SRFBP1: variants seen among roughly 807,000 people sequenced by gnomAD.
SRFBP1 encodes serum response factor-binding protein 1.
SRFBP1 carries 47 observed loss-of-function variants against 45.5 expected under a neutral mutation model. The ratio of observed to expected loss-of-function variants is 1.03; its 90% CI spans 0.82 to 1.32. The LOEUF (loss-of-function observed/expected upper bound fraction) is 1.32, where lower values mean the gene tolerates loss of function less well. Among genes scored for constraint, SRFBP1 ranks in the 40% most tolerant of loss-of-function variants. The pLI, the probability that SRFBP1 is intolerant of heterozygous loss-of-function variation, is 0.00. For missense variants in SRFBP1, 621 were observed against 484.6 expected (o/e 1.28, Z -2.64); for synonymous variants, 203 against 166.3 (o/e 1.22, Z -1.70).
At chr5:122,026,150 A>C (rs536564184) in intron 7 of SRFBP1, among the ~76,000 whole-genome samples, 2 of 152,352 alleles carry the variant, frequency 1.3e-5, no homozygotes, top group East Asian at 3.9e-4. Flanking sequence ...ACATAGTCAT[A>C]GGACTGATTA....
Position 121,970,531 on chromosome 5 carries a change from G to T in SRFBP1, c.37-3665G>T, listed in dbSNP as rs186646408. ...CACTGTATAATTCTGTTTATGCAACGTGGCCGTTCTTTTTTTTTTTCCTTA... is the reference window on the plus strand; with the variant it reads ...CACTGTATAATTCTGTTTATGCAACTTGGCCGTTCTTTTTTTTTTTCCTTA... On this transcript the variant is annotated intron_variant, in intron 1 of 7. Coordinates refer to ENST00000339397, the MANE Select transcript of SRFBP1 (RefSeq NM_152546.3). Among the ~76,000 whole-genome samples, 6 of 151,192 alleles carry T rather than the reference G, an allele frequency of 4.0e-5. No homozygotes were observed. The East Asian group carries it at 1.2e-3, about 29-fold the overall frequency.
At chr5:121,985,297 G>T (rs1752488455) in intron 3 of SRFBP1, among the ~76,000 whole-genome samples, 1 of 151,326 alleles carries the variant, frequency 6.6e-6, no homozygotes, top group Middle Eastern at 3.4e-3. Context: ...ACTTTAATTT[G>T]TATTGCTTCA....
intron 2 of SRFBP1, among the ~76,000 whole-genome samples, chr5:122,043,015 C>A (rs1419622644): frequency 1.3e-5 from 2 of 151,866 alleles, no homozygotes; most frequent in African/African-American, 2.4e-5. Context: ...GTAGATTTAC[C>A]CACGTTTACC....
At chr5:122,069,425 T>G (rs924403857) in intron 2 of SRFBP1, among the ~76,000 whole-genome samples, 1 of 152,124 alleles carries the variant, frequency 6.6e-6, no homozygotes, top group Non-Finnish European at 1.5e-5. Flanking sequence ...CTACCCAACC[T>G]TTTTTCATTA....
chr5:122,001,851 G>A (rs939797249), intron 4 of SRFBP1, among the ~76,000 whole-genome samples: 1 of 152,046 alleles, frequency 6.6e-6, no homozygotes, highest in African/African-American at 2.4e-5. Flanking sequence ...GTGAGCCACC[G>A]CGCCCGGCCA....
chr5:122,026,850 T>C, intron 7 of SRFBP1, 92 bp from the exon 8 acceptor site: 1 of 917,758 alleles, frequency 1.1e-6, no homozygotes, highest in Non-Finnish European at 1.5e-6. Context: ...CAAAATTTCT[T>C]TTTTTAACAT....
chr5:121,984,161 A>T (rs1259290858), intron 3 of SRFBP1, among the ~76,000 whole-genome samples: 1 of 151,808 alleles, frequency 6.6e-6, no homozygotes, highest in Non-Finnish European at 1.5e-5. Flanking sequence ...TAGTGATTTT[A>T]TTGGGAAAGA....
chr5:121,982,325 C>T (rs1317619092), intron 3 of SRFBP1, among the ~76,000 whole-genome samples: 1 of 151,932 alleles, frequency 6.6e-6, no homozygotes, highest in Non-Finnish European at 1.5e-5. Flanking sequence ...GCTCTCCTCA[C>T]ACTCATGAAA....
chr5:122,057,884 G>T (rs1366638906), intron 2 of SRFBP1, among the ~76,000 whole-genome samples: 1 of 151,920 alleles, frequency 6.6e-6, no homozygotes, highest in East Asian at 1.9e-4. Flanking sequence ...TTTCAGAGTT[G>T]CCCATGCTGG....
downstream of SRFBP1, chr5:122,077,616 A>C (rs760918001): frequency 1.9e-6 from 3 of 1,612,014 alleles, no homozygotes; most frequent in Non-Finnish European, 2.5e-6. The surrounding 1 kb of genome is among the most constrained non-coding windows in gnomAD (Gnocchi z 4.9). Flanking sequence ...GCTTGGAACC[A>C]GTGACGGGCG....
chr5:122,006,151 A>G (rs997022665), intron 4 of SRFBP1, among the ~76,000 whole-genome samples: 3 of 151,990 alleles, frequency 2.0e-5, no homozygotes, highest in African/African-American at 7.3e-5. Flanking sequence ...CTGAAAGACA[A>G]CTTTGCCAAG....
In SRFBP1 at chr5:121,962,197, C is replaced by T. The variant is rs181646640; in HGVS notation, c.36+129C>T. 2.6e-5 allele frequency: 31 copies of T among 1,173,042 alleles called. No individual in the cohort carries two copies. The East Asian group carries it at 6.0e-4, about 23-fold the overall frequency. The allele number at this position is 1,173,042 out of a possible 1,614,324, so 72.7% of individuals were successfully genotyped here. A position where few individuals can be genotyped will look rare whatever the true frequency, so the allele number is the denominator to read the frequency against. ...TTTCGTGGTGGGCCCAGGCGGGTTT[C>T]CCGCAACTTGGAGTTTGGCAACCGG... On this transcript the variant is annotated intron_variant, in intron 1 of 7. Coordinates refer to ENST00000339397, the MANE Select transcript of SRFBP1 (RefSeq NM_152546.3).
intron 2 of SRFBP1, among the ~76,000 whole-genome samples, chr5:122,050,845 G>A (rs1462257693): frequency 4.6e-5 from 7 of 151,422 alleles, no homozygotes; most frequent in African/African-American, 9.7e-5. Flanking sequence ...GTAATGTTAG[G>A]TTGTTAATTT....
chr5:122,055,078 T>G (rs1261787801), intron 2 of SRFBP1, among the ~76,000 whole-genome samples: 1 of 152,206 alleles, frequency 6.6e-6, no homozygotes, highest in African/African-American at 2.4e-5. Flanking sequence ...TACCATAGAC[T>G]GAGTGGCTTG....
Position 122,021,886 on chromosome 5 carries a change from G to A in SRFBP1, c.1068-484G>A, listed in dbSNP as rs189352115. Among the ~76,000 whole-genome samples the A allele has an allele frequency of 5.8e-4, 88 of 150,972 alleles. 1 individual carries two copies. Among genetic ancestry groups the A allele is most frequent in the African/African-American group, 2.1e-3 (85 of 41,142 alleles). ...TTTTGTTTTGTTTTCTAGTAGAGACGGGTTTCACCATATTGGCCCGGTTAG... is the reference window on the plus strand; with the variant it reads ...TTTTGTTTTGTTTTCTAGTAGAGACAGGTTTCACCATATTGGCCCGGTTAG... On this transcript the variant is annotated intron_variant, in intron 6 of 7. Transcript: ENST00000339397.
intron 2 of SRFBP1, among the ~76,000 whole-genome samples, chr5:122,060,766 C>G (rs953550871): frequency 1.3e-5 from 2 of 152,058 alleles, no homozygotes; most frequent in African/African-American, 4.8e-5. Flanking sequence ...GAATAGACAG[C>G]AAGAATGTGA....
chr5:122,013,369 A>G (rs7728428), intron 4 of SRFBP1, among the ~76,000 whole-genome samples: 4,176 of 152,236 alleles, frequency 0.027, 205 homozygotes, highest in African/African-American at 0.095. Flanking sequence ...TCAAATGTAT[A>G]TACACCATAA....
At chr5:122,007,183 TGGCATCTGGGTTCATGTGATA>T (rs1392511684) in intron 4 of SRFBP1, among the ~76,000 whole-genome samples, 2 of 152,044 alleles carry the variant, frequency 1.3e-5, no homozygotes, top group East Asian at 1.9e-4. Flanking sequence ...TGGGCTGGCC[TGGCATCTGGGTTCATGTGATA>T]GGGCCTGAAG....
intron 4 of SRFBP1, among the ~76,000 whole-genome samples, chr5:122,011,351 G>A (rs1580524909): frequency 6.6e-6 from 1 of 152,026 alleles, no homozygotes; most frequent in South Asian, 2.1e-4. Flanking sequence ...GGAGGTACAT[G>A]AAAACCACAG....
Sources: allele counts gnomAD v4.1 joint callset (sites outside exome capture counted in the v4.1 genomes callset), GRCh38; gene constraint gnomAD v4.1.1; non-coding constraint Gnocchi (gnomAD v3.1); transcripts MANE v1.5; gene names NCBI Gene and HGNC (gene_info 2026-07-23, HGNC 2026-07-21).